The following MS4A6A variants were observed in gnomAD, a reference collection of about 807,000 sequenced individuals.
MS4A6A encodes the protein membrane spanning 4-domains A6A.
In MS4A6A, 19 loss-of-function variants were observed where a neutral mutation model predicts 20.6. That is an observed-to-expected ratio of 0.92 (90% CI 0.64 to 1.36). The LOEUF (loss-of-function observed/expected upper bound fraction) is 1.36. Ranked by LOEUF, MS4A6A falls within the 40% of genes most tolerant of loss-of-function variation. The pLI is 0.00. For missense variants in MS4A6A, 272 were observed against 261.1 expected, an observed-to-expected ratio of 1.04 and a Z score of -0.29; for synonymous variants, 108 against 105.0, an observed-to-expected ratio of 1.03 and a Z score of -0.17.
At chr11:60,173,261 T>C (rs187631229) in intron 5 of MS4A6A, 132 bp from the exon 6 acceptor site, 44 of 751,206 alleles carry the variant, frequency 5.9e-5, no homozygotes, top group South Asian at 3.1e-4. Flanking sequence ...ATCAGGAAGA[T>C]AAAACTGCTC....
chr11:60,178,804 C>G (rs751737991), intron 3 of MS4A6A: 2 of 440,360 alleles, frequency 4.5e-6, no homozygotes, highest in Non-Finnish European at 9.0e-6. Flanking sequence ...CTCATCATCA[C>G]CACCCAAAAA....
rs925305388 is a variant in MS4A6A, at chr11:60,182,952, G to A, written c.-15+26C>T. The A allele has an allele frequency of 3.0e-6, 4 of 1,331,340 alleles. No individual in the cohort carries two copies. In the African/African-American group the frequency reaches 4.5e-5, roughly 15 times the overall value. 82.5% of individuals were successfully genotyped at this position (1,331,340 alleles called of 1,614,324 possible). On this transcript the variant is annotated intron_variant, in intron 1 of 5. Transcript: ENST00000528851. The stretch of plus-strand genomic sequence containing the variant: ...GGTCACGGCAAGGGAATAGTGAGAT[G>A]AGAAAAGTCTTCCAGCATTACCTAC...
At chr11:60,179,492 T>G in intron 3 of MS4A6A, 1 of 489,916 alleles carries the variant, frequency 2.0e-6, no homozygotes, top group Admixed American at 3.6e-5. Context: ...TTTATGCTCT[T>G]TTTTTTTTTT....
rs766897573 is a variant in MS4A6A, at chr11:60,181,691, C to T, written c.37G>A (p.Val13Met). 1.6e-5 allele frequency: 26 copies of T among 1,614,068 alleles called. No individual in the cohort carries two copies. Among genetic ancestry groups the T allele is most frequent in the Non-Finnish European group, 2.1e-5 (25 of 1,179,964 alleles). ...SQPVPNETII[V>M]LPSNVINFSQ... Reference sequence around the variant, plus strand: ...AAGTTGATGACATTTGATGGGAGCACTATGATGGTCTCATTGGGAACAGGT... The same window carrying T: ...AAGTTGATGACATTTGATGGGAGCATTATGATGGTCTCATTGGGAACAGGT... Residue 13 changes from valine to methionine, a missense_variant, in exon 2 of 6, where the codon GTG (valine) becomes ATG (methionine). Transcript: ENST00000528851.
downstream of MS4A6A, chr11:60,172,048 T>G: frequency 9.6e-7 from 1 of 1,036,492 alleles, no homozygotes; most frequent in Non-Finnish European, 1.4e-6. Flanking sequence ...TAATGTTCAT[T>G]ACTTTAAAAG....
chr11:60,174,356 C>A, intron 5 of MS4A6A, among the ~76,000 whole-genome samples: 1 of 146,474 alleles, frequency 6.8e-6, no homozygotes, highest in South Asian at 2.2e-4. Context: ...CGGAGTCTTG[C>A]TCTGTCACCC....
intron 1 of MS4A6A, 41 bp downstream of exon 1, chr11:60,182,937 A>G (rs2083816320): frequency 7.9e-7 from 1 of 1,266,124 alleles, no homozygotes; most frequent in Non-Finnish European, 1.0e-6. Context: ...GGTCACGGCA[A>G]GGGAATAGTG....
At chr11:60,172,114 TATC>T (rs764166411), downstream of MS4A6A, 40 of 1,576,764 alleles carry the variant, frequency 2.5e-5, no homozygotes, top group East Asian at 8.5e-4. Context: ...TTTTCCATAT[TATC>T]ATAAGAATCA....
chr11:60,172,962 TACTC>T lies in MS4A6A; in HGVS notation c.*35_*38del, dbSNP rs1856654258. On this transcript the variant is annotated 3_prime_UTR_variant, in exon 6 of 6. Transcript: ENST00000528851. ...GTTCCTTCTACCACTCTTGGTGACA[TACTC>T]AACACAGTGCAGGGATAAGATACAC... is the stretch of plus-strand genomic sequence containing the variant. The T allele has an allele frequency of 6.2e-7, 1 of 1,611,880 alleles. No individual in the cohort carries two copies. The highest frequency in any genetic ancestry group is 1.3e-5 in the African/African-American group (1 of 74,874).
intron 4 of MS4A6A, among the ~76,000 whole-genome samples, chr11:60,176,811 G>A (rs1041403821): frequency 6.6e-6 from 1 of 152,166 alleles, no homozygotes; most frequent in South Asian, 2.1e-4. Context: ...TGTGACAAGA[G>A]TAGAACTCGC....
Position 60,172,853 on chromosome 11 carries a change from C to T in MS4A6A, c.*148G>A, listed in dbSNP as rs2134754111. 3.4e-6 allele frequency: 5 copies of T among 1,454,082 alleles called. No individual in the cohort carries two copies. Among genetic ancestry groups the T allele is most frequent in the East Asian group, 2.5e-5 (1 of 39,886 alleles). The allele number at this position is 1,454,082 out of a possible 1,614,324, so 90.1% of individuals were successfully genotyped here. A position where few individuals can be genotyped will look rare whatever the true frequency, so the allele number is the denominator to read the frequency against. On this transcript the variant is annotated 3_prime_UTR_variant, in exon 6 of 6. Transcript: ENST00000528851. ...ATCCAGTGAATTTTCAGCTTATCAG[C>T]TACTCAATTGCCATCTGCTTTTCTT...
At chr11:60,181,529 T>C (rs1857133469) in intron 2 of MS4A6A, 52 bp downstream of exon 2, 1 of 1,605,058 alleles carries the variant, frequency 6.2e-7, no homozygotes. Context: ...ACATATATCA[T>C]CTCTTGGCAC....
rs1436843258 is a variant in MS4A6A, at chr11:60,172,915, T to G, written c.*86A>C. 1.3e-6 allele frequency: 2 copies of G among 1,592,126 alleles called. No homozygotes were observed. The highest frequency in any genetic ancestry group is 1.3e-5 in the African/African-American group (1 of 74,596). The stretch of plus-strand genomic sequence containing the variant: ...ATCACAATGCAAATGCCCTCCCATG[T>G]GTATCTCATGACTGACTGATTGTTC... On this transcript the variant is annotated 3_prime_UTR_variant, in exon 6 of 6. Transcript: ENST00000528851.
chr11:60,181,329 C>G (rs1857121496), intron 2 of MS4A6A: 2 of 527,684 alleles, frequency 3.8e-6, no homozygotes, highest in East Asian at 3.3e-5. Flanking sequence ...TAGAAAAGCA[C>G]TGTATTGTAA....
In MS4A6A at chr11:60,179,638, A is replaced by G. The variant is rs759565816; in HGVS notation, c.282+193T>C. On this transcript the variant is annotated intron_variant, in intron 3 of 5. Coordinates refer to ENST00000528851, the MANE Select transcript of MS4A6A (RefSeq NM_022349.4). ...AAGATGATCTTCAAAAGAAATGTTT[A>G]TTTGAGTCTGATAAGAAATTGATCT... 1.5e-5 allele frequency: 10 copies of G among 665,134 alleles called. No individual in the cohort carries two copies. In the South Asian group the frequency reaches 1.7e-4, roughly 11 times the overall value. The allele number at this position is 665,134 out of a possible 1,614,324, so 41.2% of individuals were successfully genotyped here.
At chr11:60,172,373 T>C, downstream of MS4A6A, 1 of 1,452,256 alleles carries the variant, frequency 6.9e-7, no homozygotes, top group Non-Finnish European at 9.1e-7. Context: ...AAGTAGAGCA[T>C]ATCACCAGGT....
chr11:60,181,627 T>C lies in MS4A6A; in HGVS notation c.101A>G (p.Gln34Arg). 1 of 1,613,962 alleles carries C rather than the reference T, an allele frequency of 6.2e-7. No homozygotes were observed. The highest frequency in any genetic ancestry group is 1.1e-5 in the South Asian group (1 of 91,072). ...GTGTAGATGTTTCTTCAGGCTATCCTGCCCCTGGTTGGTGGGTTCGGGTTT... is the reference window on the plus strand; with the variant it reads ...GTGTAGATGTTTCTTCAGGCTATCCCGCCCCTGGTTGGTGGGTTCGGGTTT... ...AEKPEPTNQG[Q>R]DSLKKHLHAE... Residue 34 changes from glutamine to arginine, a missense_variant, in exon 2 of 6, where the codon CAG (glutamine) becomes CGG (arginine). By Grantham distance (43) the Gln-to-Arg change is conservative. Transcript: ENST00000528851.
Sources: allele counts gnomAD v4.1 joint callset (sites outside exome capture counted in the v4.1 genomes callset), GRCh38; gene constraint gnomAD v4.1.1; transcripts MANE v1.5; gene names NCBI Gene and HGNC (gene_info 2026-07-23, HGNC 2026-07-21).